Variants in ADAT2 observed in about 807,000 individuals in gnomAD.
The protein encoded by ADAT2 is tRNA-specific adenosine-34 deaminase catalytic subunit ADAT2.
Under a neutral mutation model 25.9 loss-of-function variants are expected in ADAT2, and 26 were observed. The observed-to-expected ratio is 1.00, with a 90% CI of 0.74 to 1.39. ADAT2 has a LOEUF of 1.39. ADAT2 is among the 40% of genes most tolerant of loss of function. The pLI is 0.00. For synonymous variants in ADAT2, 76 were observed against 86.8 expected (o/e 0.88, Z 0.69); for missense variants, 220 against 244.8 (o/e 0.90, Z 0.68).
At position 143,434,013 on chromosome 6, in the gene ADAT2, G is replaced by A; in HGVS notation, c.202-32C>T. ...AGAGAAAGGGGCTTGCACTGATGCT[G>A]TTTGCTTCATGTGACTACTATTTTA... On this transcript the variant is annotated intron_variant, in intron 2 of 5. Transcript: ENST00000237283. This position sits in a 1 kb window ranked among gnomAD's most constrained non-coding sequence, Gnocchi z 4.5. 3.7e-6 allele frequency: 6 copies of A among 1,610,458 alleles called. No homozygotes were observed. Among genetic ancestry groups the A allele is most frequent in the Non-Finnish European group, 5.1e-6 (6 of 1,178,882 alleles).
chr6:143,450,162 T>C (rs1779721785), intron 1 of ADAT2, among the ~76,000 whole-genome samples: 1 of 152,162 alleles, frequency 6.6e-6, no homozygotes. Context: ...CTTGTTTCCA[T>C]ACTGCTCTCT....
chr6:143,435,080 C>T (rs1779228814), intron 2 of ADAT2, among the ~76,000 whole-genome samples: 1 of 144,894 alleles, frequency 6.9e-6, no homozygotes, highest in African/African-American at 2.6e-5. Context: ...AATCACAGAA[C>T]TAATTACCAG....
At chr6:143,429,833 T>C (rs971713064) in intron 4 of ADAT2, among the ~76,000 whole-genome samples, 6 of 152,294 alleles carry the variant, frequency 3.9e-5, no homozygotes, top group Middle Eastern at 3.4e-3. Context: ...CATTCTCCTG[T>C]GTCTTCAGTC....
chr6:143,430,697 C>T (rs1250074070), intron 4 of ADAT2, among the ~76,000 whole-genome samples: 1 of 152,062 alleles, frequency 6.6e-6, no homozygotes, highest in Non-Finnish European at 1.5e-5. Flanking sequence ...TCCCAAGTAG[C>T]TGGGATCACA....
intron 1 of ADAT2, among the ~76,000 whole-genome samples, chr6:143,441,082 C>T (rs1434765864): frequency 2.6e-5 from 4 of 152,168 alleles, no homozygotes; most frequent in South Asian, 4.1e-4. Flanking sequence ...AGAAGTTATT[C>T]GGCCCTGCCA....
At chr6:143,439,338 T>C (rs945876149) in intron 1 of ADAT2, among the ~76,000 whole-genome samples, 7 of 99,566 alleles carry the variant, frequency 7.0e-5, no homozygotes, top group African/African-American at 2.9e-4. Context: ...GAAGGGAATA[T>C]GTGTCTACAA....
rs1778945324 is a variant in ADAT2 at position 143,426,767 on chromosome 6, C to T, written c.*1696G>A. ...AATTTCAATCAGTAATTTCATTTAGCAAATGTTTACCAAGAACCTACTGGA... is the reference window on the plus strand; with the variant it reads ...AATTTCAATCAGTAATTTCATTTAGTAAATGTTTACCAAGAACCTACTGGA... On this transcript the variant is annotated 3_prime_UTR_variant, in exon 6 of 6. Coordinates refer to ENST00000237283, the MANE Select transcript of ADAT2 (RefSeq NM_182503.3). This position sits in a 1 kb window ranked among gnomAD's most constrained non-coding sequence, Gnocchi z 4.1. 1 of 152,056 alleles carries T rather than the reference C, an allele frequency of 6.6e-6. No individual in the cohort carries two copies. Among genetic ancestry groups the T allele is most frequent in the Admixed American group, 6.6e-5 (1 of 15,254 alleles). 9.4% of individuals were successfully genotyped at this position (152,056 alleles called of 1,614,324 possible).
chr6:143,432,574 T>C lies in ADAT2; in HGVS notation c.390A>G (p.Arg130=), dbSNP rs748657216. 1.9e-5 allele frequency: 31 copies of C among 1,614,192 alleles called. No homozygotes were observed. Among genetic ancestry groups the C allele is most frequent in the Non-Finnish European group, 2.5e-5 (30 of 1,180,020 alleles). The stretch of plus-strand genomic sequence containing the variant: ...TTAGAACAGAGCCACAACCACCAAA[T>C]CGTTCATTCTGACAGCCATATACAA... ...PLVVYGCQNE[R]FGGCGSVLNI... Residue 130 remains arginine (R), a synonymous_variant, in exon 4 of 6, where the codon CGA becomes CGG. Transcript: ENST00000237283. The surrounding 1 kb of genome is among the most constrained non-coding windows in gnomAD (Gnocchi z 4.4).
Position 143,432,412 on chromosome 6 carries a change from CTTCGT to C in ADAT2, c.459+88_459+92del. 1 of 1,163,406 alleles carries C rather than the reference CTTCGT, an allele frequency of 8.6e-7. No individual in the cohort carries two copies. The highest frequency in any genetic ancestry group is 1.3e-5 in the South Asian group (1 of 76,404). The allele number at this position is 1,163,406 out of a possible 1,614,324, so 72.1% of individuals were successfully genotyped here. On this transcript the variant is annotated intron_variant, in intron 4 of 5. Coordinates refer to ENST00000237283, the MANE Select transcript of ADAT2 (RefSeq NM_182503.3). This position sits in a 1 kb window ranked among gnomAD's most constrained non-coding sequence, Gnocchi z 4.4. ...AAGATGTCTGATTCTATCATCGTTT[CTTCGT>C]ATACTGGCCACACACTAGTTATTCA...
chr6:143,435,531 T>C (rs1404511157), intron 2 of ADAT2, among the ~76,000 whole-genome samples: 1 of 151,830 alleles, frequency 6.6e-6, no homozygotes, highest in Non-Finnish European at 1.5e-5. Flanking sequence ...CCCCGGTCAC[T>C]GGATGGGGTT....
rs1779532147 is a variant in ADAT2, at chr6:143,444,098, T to C, written c.97-5404A>G. Reference sequence around the variant, plus strand: ...CATGTTACTGGGTTTGTGCCTTCCATTCCTTCCTTTGGATTTTTCTCTTTT... The same window carrying C: ...CATGTTACTGGGTTTGTGCCTTCCACTCCTTCCTTTGGATTTTTCTCTTTT... On this transcript the variant is annotated intron_variant, in intron 1 of 5. Transcript: ENST00000237283. The surrounding 1 kb of genome is among the most constrained non-coding windows in gnomAD (Gnocchi z 4.3). Among the ~76,000 whole-genome samples, 1 of 152,170 alleles carries C rather than the reference T, an allele frequency of 6.6e-6. No individual in the cohort carries two copies. Among genetic ancestry groups the C allele is most frequent in the African/African-American group, 2.4e-5 (1 of 41,438 alleles).
rs1778927190 is a variant in ADAT2 at position 143,426,098 on chromosome 6, A to G, written c.*2365T>C. 1 of 152,294 alleles carries G rather than the reference A, an allele frequency of 6.6e-6. No individual in the cohort carries two copies. Among genetic ancestry groups the G allele is most frequent in the African/African-American group, 2.4e-5 (1 of 41,454 alleles). The allele number at this position is 152,294 out of a possible 1,614,324, so 9.4% of individuals were successfully genotyped here. A position where few individuals can be genotyped will look rare whatever the true frequency, so the allele number is the denominator to read the frequency against. On this transcript the variant is annotated 3_prime_UTR_variant, in exon 6 of 6. Transcript: ENST00000237283. The surrounding 1 kb of genome is among the most constrained non-coding windows in gnomAD (Gnocchi z 4.1). ...TCTCTCAACAGGGCAGTGATTCTAA[A>G]ACCTTTTTGTATCTCACCACTTTCA...
In ADAT2 at chr6:143,428,504, G is replaced by T; in HGVS notation, c.535C>A (p.Pro179Thr). The change falls in exon 6 of 6, where the codon CCA becomes ACA. Residue 179 changes from proline (P) to threonine (T), a missense_variant and splice_region_variant. Transcript: ENST00000237283. The surrounding 1 kb of genome is among the most constrained non-coding windows in gnomAD (Gnocchi z 5.0). ...TCCTTTTTCCGAACTTTCGATTTTG[G>T]TGCTGTGAAAAGAATAGAAAAGAAA... ...TFYKQENPNA[P>T]KSKVRKKECQ... 6.2e-7 allele frequency: 1 copy of T among 1,613,886 alleles called. No individual in the cohort carries two copies. Among genetic ancestry groups the T allele is most frequent in the Non-Finnish European group, 8.5e-7 (1 of 1,179,976 alleles).
chr6:143,445,569 T>A (rs534524744), intron 1 of ADAT2, among the ~76,000 whole-genome samples: 5 of 152,324 alleles, frequency 3.3e-5, no homozygotes, highest in African/African-American at 1.2e-4. Flanking sequence ...ATTCTATCAT[T>A]TATCTCAACG....
At chr6:143,448,259 G>A (rs565742084) in intron 1 of ADAT2, among the ~76,000 whole-genome samples, 2 of 152,004 alleles carry the variant, frequency 1.3e-5, no homozygotes, top group Admixed American at 6.6e-5. Context: ...CATGGGGTTG[G>A]GGGGAGAGGG....
chr6:143,447,232 T>G (rs1779624862), intron 1 of ADAT2, among the ~76,000 whole-genome samples: 1 of 152,192 alleles, frequency 6.6e-6, no homozygotes, highest in South Asian at 2.1e-4. Context: ...TTTTATTTTA[T>G]TTCACCTTAA....
chr6:143,433,774 C>A, intron 3 of ADAT2, 57 bp downstream of exon 3: 3 of 1,503,316 alleles, frequency 2.0e-6, no homozygotes, highest in Non-Finnish European at 2.7e-6. Context: ...ACGTGTTTGG[C>A]CACTCTCTTG....
At chr6:143,438,471 C>A (rs1444274907) in intron 2 of ADAT2, 119 bp downstream of exon 2, 3 of 586,740 alleles carry the variant, frequency 5.1e-6, no homozygotes, top group African/African-American at 1.9e-5. Flanking sequence ...AGAAAAGCTA[C>A]CCACCACTGG....
Position 143,435,950 on chromosome 6 carries a change from G to A in ADAT2, c.202-1969C>T, listed in dbSNP as rs564044973. 7.7e-4 allele frequency among the ~76,000 whole-genome samples: 117 copies of A among 152,046 alleles called. 2 individuals are homozygous for A. The highest frequency in any genetic ancestry group is 5.2e-3 in the Admixed American group (80 of 15,280). Reference sequence around the variant, plus strand: ...ATTTAAAAATGTTAATTCTATATGGGAATGACTACCCTGGCAGTTATAATA... The same window carrying A: ...ATTTAAAAATGTTAATTCTATATGGAAATGACTACCCTGGCAGTTATAATA... On this transcript the variant is annotated intron_variant, in intron 2 of 5. Coordinates refer to ENST00000237283, the MANE Select transcript of ADAT2 (RefSeq NM_182503.3).
Sources: gnomAD v4.1 joint callset for allele counts (sites outside exome capture counted in the v4.1 genomes callset) on GRCh38, gnomAD v4.1.1 for gene constraint, Gnocchi (gnomAD v3.1) non-coding constraint, MANE v1.5 for transcripts, NCBI Gene and HGNC (gene_info 2026-07-23, HGNC 2026-07-21) for gene names.